The following DIP2C variants were observed in gnomAD, a reference collection of about 807,000 sequenced individuals.
The protein encoded by DIP2C is disco-interacting protein 2 homolog C.
DIP2C carries 33 observed loss-of-function variants against 192.4 expected under a neutral mutation model. That is an observed-to-expected ratio of 0.17 (90% CI 0.13 to 0.23). The LOEUF (loss-of-function observed/expected upper bound fraction) is 0.23. Ranked by LOEUF, DIP2C falls within the 10% of genes least tolerant of loss-of-function variation. DIP2C has a pLI of 1.00. For synonymous variants in DIP2C, 979 were observed against 864.1 expected (o/e 1.13, Z -2.33); for missense variants, 1,537 against 2,110.1 (o/e 0.73, Z 5.32).
intron 31 of DIP2C, among the ~76,000 whole-genome samples, chr10:321,529 G>C (rs989671621): frequency 9.6e-6 from 1 of 104,404 alleles, no homozygotes; most frequent in African/African-American, 3.1e-5. Context: ...GGGAAGGCCT[G>C]CGGGGGCTCC....
At chr10:599,530 C>CAGCT (rs898714788) in intron 1 of DIP2C, among the ~76,000 whole-genome samples, 22 of 152,132 alleles carry the variant, frequency 1.4e-4, no homozygotes, top group African/African-American at 4.1e-4. Context: ...GTCATCTGAC[C>CAGCT]AGCTGTTCAC....
At position 381,921 on chromosome 10, in the gene DIP2C, T is replaced by G. The variant is rs117894133; in HGVS notation, c.1991+726A>C. ...CTCTGGACCAGCCTTGGATGGGCCG[T>G]TGACAGCCGACACAACTTCTCTGCA... On this transcript the variant is annotated intron_variant, in intron 17 of 36. Transcript: ENST00000280886. Among the ~76,000 whole-genome samples the G allele has an allele frequency of 6.1e-3, 926 of 152,334 alleles. 4 individuals are homozygous for G. The highest frequency in any genetic ancestry group is 0.014 in the Middle Eastern group (4 of 294).
chr10:319,211 C>G (rs1956901832), intron 31 of DIP2C, among the ~76,000 whole-genome samples: 1 of 152,196 alleles, frequency 6.6e-6, no homozygotes, highest in Non-Finnish European at 1.5e-5. Context: ...CCGCGCCTGG[C>G]TCACTTCTTT....
intron 1 of DIP2C, among the ~76,000 whole-genome samples, chr10:521,839 G>C (rs375970840): frequency 1.1e-4 from 16 of 152,158 alleles, no homozygotes; most frequent in African/African-American, 3.1e-4. Context: ...GAGTCCTCAC[G>C]TATCTCCTTC....
At chr10:615,412 G>GC (rs1853391616) in intron 1 of DIP2C, among the ~76,000 whole-genome samples, 2 of 152,254 alleles carry the variant, frequency 1.3e-5, no homozygotes, top group African/African-American at 4.8e-5. Flanking sequence ...GTGACTATGA[G>GC]GTCTGGCTTC....
chr10:614,073 C>G (rs1200440047), intron 1 of DIP2C, among the ~76,000 whole-genome samples: 1 of 152,224 alleles, frequency 6.6e-6, no homozygotes, highest in Non-Finnish European at 1.5e-5. Flanking sequence ...CTCCCAGAAC[C>G]TTCCACCTCA....
intron 3 of DIP2C, among the ~76,000 whole-genome samples, chr10:457,543 T>C (rs1160210967): frequency 5.3e-5 from 8 of 152,178 alleles, no homozygotes; most frequent in Non-Finnish European, 8.8e-5. Flanking sequence ...GAGGCACAGA[T>C]AGCAAGATTA....
chr10:487,372 C>T (rs192296176), intron 1 of DIP2C, among the ~76,000 whole-genome samples: 22 of 152,196 alleles, frequency 1.4e-4, no homozygotes, highest in Admixed American at 1.2e-3. Flanking sequence ...TCAAGGTACA[C>T]ACACAAGCTG....
intron 1 of DIP2C, among the ~76,000 whole-genome samples, chr10:533,893 T>G (rs1847552180): frequency 6.6e-6 from 1 of 152,022 alleles, no homozygotes; most frequent in South Asian, 2.1e-4. Flanking sequence ...TCAGAGACAC[T>G]TCTGGTTTAC....
rs1960698427 is a variant in DIP2C, at chr10:369,485, C to T, written c.2131+9G>A. 6.5e-7 allele frequency: 1 copy of T among 1,529,612 alleles called. No homozygotes were observed. 94.8% of individuals were successfully genotyped at this position (1,529,612 alleles called of 1,614,324 possible). ...TGGTTAATCTGTGCAGCTCGCGACC[C>T]ACACTCACCTCCAGGCATCACGAGG... On this transcript the variant is annotated intron_variant, in intron 18 of 36. Transcript: ENST00000280886.
chr10:684,007 C>T (rs899754837), intron 1 of DIP2C, among the ~76,000 whole-genome samples: 1 of 152,246 alleles, frequency 6.6e-6, no homozygotes, highest in Non-Finnish European at 1.5e-5. Context: ...GAGCGGGAAG[C>T]GCGTGGCTCG....
At chr10:460,729 A>G (rs1969703147) in intron 3 of DIP2C, among the ~76,000 whole-genome samples, 1 of 152,178 alleles carries the variant, frequency 6.6e-6, no homozygotes, top group Non-Finnish European at 1.5e-5. Flanking sequence ...TCCTTGAGAA[A>G]AGCAACCCCA....
At chr10:662,520 C>T (rs962861021) in intron 1 of DIP2C, among the ~76,000 whole-genome samples, 4 of 152,182 alleles carry the variant, frequency 2.6e-5, no homozygotes, top group African/African-American at 9.7e-5. Flanking sequence ...GCTGTGTTTG[C>T]TCCTAAATCT....
At chr10:590,953 C>G (rs1023969949) in intron 1 of DIP2C, among the ~76,000 whole-genome samples, 1 of 152,164 alleles carries the variant, frequency 6.6e-6, no homozygotes, top group African/African-American at 2.4e-5. Context: ...TGTCCCCCAC[C>G]AGGTTCTTCT....
intron 2 of DIP2C, among the ~76,000 whole-genome samples, chr10:481,860 C>A (rs1327716486): frequency 2.0e-5 from 3 of 152,218 alleles, no homozygotes; most frequent in African/African-American, 7.2e-5. Context: ...GCAGACTCAG[C>A]CCCTCCGTGC....
At chr10:367,950 C>T (rs4995177) in intron 18 of DIP2C, among the ~76,000 whole-genome samples, 103,699 of 110,160 alleles carry the variant, frequency 0.94, 49,026 homozygotes, top group Non-Finnish European at 0.98. Context: ...CTCTCACTGC[C>T]GCACAGCCCC....
At chr10:593,237 A>G (rs1007206121) in intron 1 of DIP2C, among the ~76,000 whole-genome samples, 3 of 152,196 alleles carry the variant, frequency 2.0e-5, no homozygotes, top group African/African-American at 4.8e-5. Flanking sequence ...GGGTGGTCTC[A>G]TCGTCATCTG....
chr10:623,004 T>C (rs1442956724), intron 1 of DIP2C, among the ~76,000 whole-genome samples: 1 of 152,254 alleles, frequency 6.6e-6, no homozygotes, highest in Non-Finnish European at 1.5e-5. Context: ...ATTCCAATTC[T>C]ACAGCGCAAA....
chr10:490,582 G>A (rs1434373505), intron 1 of DIP2C, among the ~76,000 whole-genome samples: 2 of 152,178 alleles, frequency 1.3e-5, no homozygotes, highest in East Asian at 1.9e-4. Flanking sequence ...TGAACCACAG[G>A]AGCCCCTGCC....
Sources: gnomAD v4.1 joint callset for allele counts (sites outside exome capture counted in the v4.1 genomes callset) on GRCh38, gnomAD v4.1.1 for gene constraint, MANE v1.5 for transcripts, NCBI Gene and HGNC (gene_info 2026-07-23, HGNC 2026-07-21) for gene names.